TCF12: variants seen among roughly 807,000 people sequenced by gnomAD.
TCF12 encodes the protein DNA-binding protein HTF4.
Under a neutral mutation model 86.0 loss-of-function variants are expected in TCF12, and 45 were observed. The ratio of observed to expected loss-of-function variants is 0.52; its 90% CI spans 0.41 to 0.67. The LOEUF is 0.67. TCF12 is among the 30% of genes least tolerant of loss of function. The pLI, the probability that TCF12 is intolerant of heterozygous loss-of-function variation, is 0.00. For missense variants in TCF12, 881 were observed against 859.9 expected (o/e 1.02, Z -0.31); for synonymous variants, 330 against 299.6 (o/e 1.10, Z -1.05).
intron 5 of TCF12, among the ~76,000 whole-genome samples, chr15:57,118,167 G>A (rs1000174459): frequency 1.5e-4 from 23 of 152,150 alleles, no homozygotes; most frequent in Non-Finnish European, 2.8e-4. Context: ...TCACCATTGT[G>A]TTCTTTCTAA....
At chr15:57,203,163 A>G (rs1379918503) in intron 8 of TCF12, among the ~76,000 whole-genome samples, 2 of 152,224 alleles carry the variant, frequency 1.3e-5, no homozygotes, top group African/African-American at 2.4e-5. Flanking sequence ...CAGAAAAACA[A>G]TCTACAAAAG....
chr15:57,065,701 G>A (rs2068817316), intron 4 of TCF12, among the ~76,000 whole-genome samples: 1 of 127,834 alleles, frequency 7.8e-6, no homozygotes, highest in South Asian at 2.6e-4. Flanking sequence ...AAACACTTAT[G>A]TAATTTATGA....
At chr15:57,250,743 A>G (rs1159613472) in intron 13 of TCF12, among the ~76,000 whole-genome samples, 1 of 151,878 alleles carries the variant, frequency 6.6e-6, no homozygotes, top group Non-Finnish European at 1.5e-5. Context: ...AAAAAAGAAA[A>G]AAAATTAGCC....
chr15:56,989,743 A>G (rs574727863), intron 3 of TCF12, among the ~76,000 whole-genome samples: 46 of 152,312 alleles, frequency 3.0e-4, no homozygotes, highest in South Asian at 8.3e-4. Context: ...TAGTAGAAGT[A>G]TTAACTGACC....
At chr15:57,165,134 C>CTGTGTGTGTGTGTGTG (rs10651646) in intron 5 of TCF12, among the ~76,000 whole-genome samples, 9 of 147,128 alleles carry the variant, frequency 6.1e-5, no homozygotes, top group African/African-American at 2.3e-4. Context: ...GAATGTATGT[C>CTGTGTGTGTGTGTGTG]TGTGTGTGTG....
intron 19 of TCF12, among the ~76,000 whole-genome samples, chr15:57,280,273 C>G (rs1296729619): frequency 2.0e-5 from 3 of 152,134 alleles, no homozygotes; most frequent in African/African-American, 7.2e-5. Flanking sequence ...GAAAGCAGCT[C>G]TTAATATTTT....
rs551069011 is a variant in TCF12, at chr15:57,160,621, C to T, written c.326-5781C>T. 2.0e-5 allele frequency among the ~76,000 whole-genome samples: 3 copies of T among 152,214 alleles called. No individual in the cohort carries two copies. In the South Asian group the frequency reaches 6.2e-4, roughly 32 times the overall value. ...GCAGTACTTCTAAAACTTGGTCATC[C>T]AGTAGGCTATAAGCTTTTTCATTGT... On this transcript the variant is annotated intron_variant, in intron 5 of 20. Coordinates refer to ENST00000333725, the MANE Select transcript of TCF12 (RefSeq NM_207037.2).
intron 3 of TCF12, among the ~76,000 whole-genome samples, chr15:56,940,958 A>G (rs551703700): frequency 2.7e-4 from 39 of 142,874 alleles, no homozygotes; most frequent in Admixed American, 2.3e-3. Context: ...ACAGTATCTC[A>G]CTATGTTGAC....
chr15:56,990,061 G>A (rs2063366157), intron 3 of TCF12, among the ~76,000 whole-genome samples: 1 of 149,936 alleles, frequency 6.7e-6, no homozygotes, highest in African/African-American at 2.5e-5. Flanking sequence ...GATAAAAATT[G>A]TATTAATACC....
chr15:57,272,878 A>T, intron 18 of TCF12, 152 bp from the exon 19 acceptor site: 5 of 705,586 alleles, frequency 7.1e-6, no homozygotes, highest in Non-Finnish European at 1.2e-5. Flanking sequence ...ATTTGAAAGG[A>T]ATATACAGTC....
At chr15:56,921,497 C>T (rs1190869285) in intron 3 of TCF12, among the ~76,000 whole-genome samples, 4 of 152,006 alleles carry the variant, frequency 2.6e-5, no homozygotes, top group Admixed American at 2.6e-4. Flanking sequence ...TTTATGACTA[C>T]TGTGCTCCAT....
intron 5 of TCF12, among the ~76,000 whole-genome samples, chr15:57,130,691 C>G (rs1341105801): frequency 1.3e-5 from 2 of 151,800 alleles, no homozygotes; most frequent in East Asian, 3.9e-4. Flanking sequence ...TCTTTTTTTT[C>G]TGGTTTTGGT....
At chr15:57,275,737 G>A (rs181979378) in intron 19 of TCF12, among the ~76,000 whole-genome samples, 1 of 152,028 alleles carries the variant, frequency 6.6e-6, no homozygotes, top group Admixed American at 6.6e-5. Flanking sequence ...CTGCACTCTG[G>A]CTCCCCTTCT....
At chr15:57,197,558 A>T (rs2057334379) in intron 7 of TCF12, among the ~76,000 whole-genome samples, 1 of 151,984 alleles carries the variant, frequency 6.6e-6, no homozygotes, top group Non-Finnish European at 1.5e-5. Flanking sequence ...AATTTATGGG[A>T]TATGTATTTT....
chr15:57,087,327 G>A (rs1251293390), intron 4 of TCF12, among the ~76,000 whole-genome samples: 2 of 150,934 alleles, frequency 1.3e-5, no homozygotes, highest in Non-Finnish European at 2.9e-5. Context: ...TGGGAGGATT[G>A]CTTGAGCCCA....
intron 3 of TCF12, among the ~76,000 whole-genome samples, chr15:56,945,298 T>C (rs984406065): frequency 2.0e-4 from 30 of 152,170 alleles, no homozygotes; most frequent in African/African-American, 7.2e-4. Context: ...TTAATCCGTC[T>C]TAAGAGAGAG....
rs534411962 is a variant in TCF12 at position 57,072,263 on chromosome 15, G to T, written c.222+8440G>T. ...ACTGGGAAAGATATAAAATCATGTA[G>T]ACTCACTTCACCCACAAAATGGTAA... On this transcript the variant is annotated intron_variant, in intron 4 of 20. Coordinates refer to ENST00000333725, the MANE Select transcript of TCF12 (RefSeq NM_207037.2). Among the ~76,000 whole-genome samples, 61 of 152,280 alleles carry T rather than the reference G, an allele frequency of 4.0e-4. 1 individual carries two copies. Among genetic ancestry groups the T allele is most frequent in the African/African-American group, 1.3e-3 (54 of 41,588 alleles).
intron 3 of TCF12, among the ~76,000 whole-genome samples, chr15:56,927,076 T>C (rs2060047066): frequency 1.3e-5 from 2 of 152,104 alleles, no homozygotes; most frequent in African/African-American, 4.8e-5. Flanking sequence ...ATTTGAGGGA[T>C]TGGCTTTCTG....
At chr15:57,185,738 G>A (rs1299978500) in intron 6 of TCF12, among the ~76,000 whole-genome samples, 1 of 152,084 alleles carries the variant, frequency 6.6e-6, no homozygotes, top group East Asian at 1.9e-4. Flanking sequence ...TTAAAAATTA[G>A]CCAGGTGTGG....
Sources: gnomAD v4.1 joint callset for allele counts (sites outside exome capture counted in the v4.1 genomes callset) on GRCh38, gnomAD v4.1.1 for gene constraint, MANE v1.5 for transcripts, NCBI Gene and HGNC (gene_info 2026-07-23, HGNC 2026-07-21) for gene names.